Variants in FAM135B observed in about 807,000 individuals in gnomAD.
The protein encoded by FAM135B is family with sequence similarity 135 member B.
Under a neutral mutation model 127.7 loss-of-function variants are expected in FAM135B, and 43 were observed. The ratio of observed to expected loss-of-function variants is 0.34; its 90% CI spans 0.26 to 0.43. FAM135B has a LOEUF of 0.43. Ranked by LOEUF, FAM135B falls within the 20% of genes least tolerant of loss-of-function variation. The pLI, the probability that FAM135B is intolerant of heterozygous loss-of-function variation, is 1.00. For missense variants in FAM135B, 1,558 were observed against 1,725.6 expected (o/e 0.90, Z 1.72); for synonymous variants, 670 against 665.1 (o/e 1.01, Z -0.11).
chr8:138,166,542 A>G (rs1819943561), intron 12 of FAM135B, among the ~76,000 whole-genome samples: 1 of 152,234 alleles, frequency 6.6e-6, no homozygotes, highest in African/African-American at 2.4e-5. Context: ...ACACTGACCT[A>G]TAACACAATT....
chr8:138,356,919 G>A (rs987727413), intron 2 of FAM135B, among the ~76,000 whole-genome samples: 1 of 152,088 alleles, frequency 6.6e-6, no homozygotes, highest in Non-Finnish European at 1.5e-5. Flanking sequence ...TTTGTGAAAT[G>A]TCTTTTGCAG....
intron 9 of FAM135B, among the ~76,000 whole-genome samples, chr8:138,193,522 T>A (rs1365723437): frequency 6.6e-6 from 1 of 152,142 alleles, no homozygotes; most frequent in African/African-American, 2.4e-5. Context: ...AAAAGCCGAG[T>A]TGGAAAGCTG....
chr8:138,296,249 C>G (rs1049007607), intron 3 of FAM135B, among the ~76,000 whole-genome samples: 2 of 152,186 alleles, frequency 1.3e-5, no homozygotes, highest in Non-Finnish European at 2.9e-5. Flanking sequence ...AAGGCCTCGG[C>G]TGGCTTCCTT....
intron 1 of FAM135B, among the ~76,000 whole-genome samples, chr8:138,399,683 T>C (rs557518133): frequency 1.4e-4 from 21 of 152,302 alleles, no homozygotes; most frequent in Non-Finnish European, 2.5e-4. Context: ...AGAACAATGC[T>C]AAGCACACAG....
At chr8:138,379,255 G>T (rs954052202) in intron 1 of FAM135B, among the ~76,000 whole-genome samples, 3 of 152,032 alleles carry the variant, frequency 2.0e-5, no homozygotes, top group Non-Finnish European at 4.4e-5. Context: ...TTCACATTCT[G>T]ACCATTTTAC....
chr8:138,472,502 T>G (rs1837737070), intron 1 of FAM135B, among the ~76,000 whole-genome samples: 1 of 151,986 alleles, frequency 6.6e-6, no homozygotes, highest in South Asian at 2.1e-4. Flanking sequence ...GTGCAGGAAG[T>G]GAAGTGGGTC....
intron 4 of FAM135B, among the ~76,000 whole-genome samples, chr8:138,262,216 T>A (rs1312249829): frequency 6.6e-6 from 1 of 152,178 alleles, no homozygotes; most frequent in Non-Finnish European, 1.5e-5. Context: ...ACTTGAAGGC[T>A]TTAAATTGTC....
intron 1 of FAM135B, among the ~76,000 whole-genome samples, chr8:138,436,232 A>C (rs562013207): frequency 6.6e-6 from 1 of 152,358 alleles, no homozygotes; most frequent in African/African-American, 2.4e-5. Context: ...CGGATCTGCA[A>C]GAGATGTTCT....
chr8:138,300,173 G>T (rs1042032179), intron 3 of FAM135B, among the ~76,000 whole-genome samples: 15 of 151,932 alleles, frequency 9.9e-5, no homozygotes, highest in African/African-American at 3.6e-4. Context: ...CTGTGAGCAG[G>T]ACTGTTACCC....
intron 1 of FAM135B, among the ~76,000 whole-genome samples, chr8:138,401,071 A>G (rs868738980): frequency 6.6e-6 from 1 of 152,124 alleles, no homozygotes; most frequent in Non-Finnish European, 1.5e-5. Flanking sequence ...AAAATTATAA[A>G]CCTAGGCAAG....
intron 1 of FAM135B, among the ~76,000 whole-genome samples, chr8:138,467,252 G>A (rs1837431686): frequency 1.3e-5 from 2 of 152,136 alleles, no homozygotes; most frequent in Non-Finnish European, 2.9e-5. Context: ...GGGATGAACA[G>A]AACAAGAACC....
At chr8:138,258,803 C>CCACACACACACACACACACACA (rs57817492) in intron 4 of FAM135B, among the ~76,000 whole-genome samples, 147 of 146,626 alleles carry the variant, frequency 1.0e-3, no homozygotes, top group African/African-American at 3.5e-3. Flanking sequence ...GACACACACA[C>CCACACACACACACACACACACA]CACACACACA....
chr8:138,473,910 T>A (rs1814231505), intron 1 of FAM135B, among the ~76,000 whole-genome samples: 1 of 152,162 alleles, frequency 6.6e-6, no homozygotes, highest in Non-Finnish European at 1.5e-5. Context: ...TAAGTGTGCA[T>A]AAAACTATAA....
intron 1 of FAM135B, among the ~76,000 whole-genome samples, chr8:138,374,096 T>C (rs1831315285): frequency 6.6e-6 from 1 of 152,204 alleles, no homozygotes; most frequent in Non-Finnish European, 1.5e-5. Flanking sequence ...AACTTACTGG[T>C]TTTGCGTCTT....
intron 12 of FAM135B, among the ~76,000 whole-genome samples, chr8:138,156,569 A>T (rs1818771859): frequency 6.6e-6 from 1 of 152,216 alleles, no homozygotes; most frequent in African/African-American, 2.4e-5. Flanking sequence ...TAAAGAAGAA[A>T]AGAGAGAAGA....
intron 1 of FAM135B, among the ~76,000 whole-genome samples, chr8:138,421,396 C>T (rs941608486): frequency 6.6e-6 from 1 of 152,062 alleles, no homozygotes; most frequent in Non-Finnish European, 1.5e-5. Context: ...TATAAAATCC[C>T]GTAGTCTCTG....
chr8:138,138,899 T>A lies in FAM135B; in HGVS notation c.3901+87A>T, dbSNP rs1023133442. On this transcript the variant is annotated intron_variant, in intron 18 of 19. Coordinates refer to ENST00000395297, the MANE Select transcript of FAM135B (RefSeq NM_015912.4). Reference sequence around the variant, plus strand: ...CTGACTAGGCCCTTCTGTGAGTGAATCAATGTAGCATTATATCTCATTTGT... The same window carrying A: ...CTGACTAGGCCCTTCTGTGAGTGAAACAATGTAGCATTATATCTCATTTGT... 4.6e-6 allele frequency: 4 copies of A among 878,402 alleles called. No homozygotes were observed. The African/African-American group carries it at 6.6e-5, about 15-fold the overall frequency. The allele number at this position is 878,402 out of a possible 1,614,324, so 54.4% of individuals were successfully genotyped here. A position where few individuals can be genotyped will look rare whatever the true frequency, so the allele number is the denominator to read the frequency against.
At chr8:138,193,397 A>G (rs1007940127) in intron 9 of FAM135B, among the ~76,000 whole-genome samples, 1 of 152,178 alleles carries the variant, frequency 6.6e-6, no homozygotes, top group Non-Finnish European at 1.5e-5. Flanking sequence ...TGAACATAAC[A>G]GGCACAGAAA....
chr8:138,158,271 C>G (rs1243344726), intron 12 of FAM135B, among the ~76,000 whole-genome samples: 2 of 152,096 alleles, frequency 1.3e-5, no homozygotes. Flanking sequence ...AAAATGGATC[C>G]CTTCCTTACA....
Sources: allele counts gnomAD v4.1 joint callset (sites outside exome capture counted in the v4.1 genomes callset), GRCh38; gene constraint gnomAD v4.1.1; transcripts MANE v1.5; gene names NCBI Gene and HGNC (gene_info 2026-07-23, HGNC 2026-07-21).